GRM5: variants seen among roughly 807,000 people sequenced by gnomAD.
GRM5 encodes glutamate metabotropic receptor 5, also known as metabotropic glutamate receptor 5.
GRM5 carries 19 observed loss-of-function variants against 83.1 expected under a neutral mutation model. The ratio of observed to expected loss-of-function variants is 0.23; its 90% CI spans 0.16 to 0.34. The LOEUF (loss-of-function observed/expected upper bound fraction) is 0.34, where lower values mean the gene tolerates loss of function less well. Among genes scored for constraint, GRM5 ranks in the 10% least tolerant of loss-of-function variants. The probability of loss-of-function intolerance (pLI) is 1.00; values close to 1 mark genes in which losing one functional copy is unlikely to be tolerated. For synonymous variants in GRM5, 675 were observed against 633.6 expected (o/e 1.07, Z -0.98); for missense variants, 1,160 against 1,588.3 (o/e 0.73, Z 4.58).
At chr11:88,561,121 T>C (rs185317993) in intron 8 of GRM5, among the ~76,000 whole-genome samples, 1 of 152,238 alleles carries the variant, frequency 6.6e-6, no homozygotes, top group African/African-American at 2.4e-5. Context: ...GAAGGAAATA[T>C]AAGCCATTGG....
chr11:88,886,851 G>A (rs1368369923), intron 2 of GRM5, among the ~76,000 whole-genome samples: 1 of 152,084 alleles, frequency 6.6e-6, no homozygotes, highest in African/African-American at 2.4e-5. Flanking sequence ...GCAAGATCAG[G>A]GAATGTCATA....
At chr11:88,570,571 A>ATATATATATATATATTTTTT (rs1405339448) in intron 7 of GRM5, among the ~76,000 whole-genome samples, 7 of 46,376 alleles carry the variant, frequency 1.5e-4, no homozygotes, top group Non-Finnish European at 2.1e-4. Context: ...ATATATATAT[A>ATATATATATATATATTTTTT]TTTTTTTTTT....
chr11:88,826,238 T>C (rs1943892838), intron 3 of GRM5, among the ~76,000 whole-genome samples: 1 of 152,138 alleles, frequency 6.6e-6, no homozygotes, highest in Non-Finnish European at 1.5e-5. Flanking sequence ...TACTGTCATC[T>C]AATACAAGAA....
At chr11:88,783,885 T>A (rs889994175) in intron 3 of GRM5, among the ~76,000 whole-genome samples, 2 of 152,044 alleles carry the variant, frequency 1.3e-5, no homozygotes, top group Non-Finnish European at 2.9e-5. Flanking sequence ...CACTGGCACA[T>A]AGGAAACATT....
At chr11:88,817,001 A>G (rs1943704297) in intron 3 of GRM5, among the ~76,000 whole-genome samples, 1 of 152,182 alleles carries the variant, frequency 6.6e-6, no homozygotes, top group Non-Finnish European at 1.5e-5. Flanking sequence ...TTGAAAAATC[A>G]ATGTGTACCT....
chr11:88,745,863 C>G (rs1276572554), intron 3 of GRM5, among the ~76,000 whole-genome samples: 1 of 152,170 alleles, frequency 6.6e-6, no homozygotes, highest in African/African-American at 2.4e-5. Flanking sequence ...ATTCCTGAGG[C>G]ATTCAAGAAG....
Position 88,770,995 on chromosome 11 carries a change from T to C in GRM5, c.911+78911A>G, listed in dbSNP as rs577157524. On this transcript the variant is annotated intron_variant, in intron 3 of 9. Transcript: ENST00000305447. ...ATTTTTTAGTCACTTAAATCAGACA[T>C]GTATCCCTTACTACATGGCAAACCA... Among the ~76,000 whole-genome samples the C allele has an allele frequency of 8.5e-5, 13 of 152,224 alleles. No individual in the cohort carries two copies. In the East Asian group the frequency reaches 2.3e-3, roughly 27 times the overall value.
intron 2 of GRM5, among the ~76,000 whole-genome samples, chr11:88,913,947 G>A (rs765352675): frequency 2.6e-5 from 4 of 152,058 alleles, no homozygotes; most frequent in Non-Finnish European, 4.4e-5. Flanking sequence ...GCCCTAGTGG[G>A]TATTAATGGT....
At chr11:88,858,052 C>G (rs1280498982) in intron 2 of GRM5, among the ~76,000 whole-genome samples, 9 of 151,912 alleles carry the variant, frequency 5.9e-5, no homozygotes, top group Admixed American at 5.3e-4. Flanking sequence ...GAACAATGGC[C>G]CAATTATTTC....
chr11:88,947,083 T>C (rs1454098395), intron 2 of GRM5, among the ~76,000 whole-genome samples: 1 of 152,096 alleles, frequency 6.6e-6, no homozygotes, highest in African/African-American at 2.4e-5. Context: ...AACAAAGAAC[T>C]AGGAAACATA....
intron 2 of GRM5, among the ~76,000 whole-genome samples, chr11:89,003,225 A>G (rs1591039089): frequency 6.6e-6 from 1 of 152,190 alleles, no homozygotes; most frequent in Admixed American, 6.5e-5. Context: ...ACTGTGGAGG[A>G]AAATATTGCA....
chr11:88,590,540 C>T (rs1432604718), intron 7 of GRM5, 61 bp downstream of exon 7: 7 of 1,403,074 alleles, frequency 5.0e-6, no homozygotes, highest in Middle Eastern at 1.8e-4. Flanking sequence ...TGTGACCCCC[C>T]TCTCCCACGT....
chr11:88,619,241 A>G lies in GRM5; in HGVS notation c.1148-14277T>C, dbSNP rs142278753. Reference sequence around the variant, plus strand: ...TGTCTTAACAGTGCAGAATCAAAGAATGTCTGAGATGCAAGAGATTTCAGA... The same window carrying G: ...TGTCTTAACAGTGCAGAATCAAAGAGTGTCTGAGATGCAAGAGATTTCAGA... On this transcript the variant is annotated intron_variant, in intron 4 of 9. Transcript: ENST00000305447. 2.0e-5 allele frequency among the ~76,000 whole-genome samples: 3 copies of G among 152,378 alleles called. No homozygotes were observed. In the East Asian group the frequency reaches 5.8e-4, roughly 29 times the overall value.
At chr11:89,017,332 T>C (rs1480956115) in intron 2 of GRM5, among the ~76,000 whole-genome samples, 1 of 152,182 alleles carries the variant, frequency 6.6e-6, no homozygotes, top group African/African-American at 2.4e-5. Context: ...ATAAACTTTA[T>C]TGAGAATGTC....
intron 3 of GRM5, among the ~76,000 whole-genome samples, chr11:88,711,967 A>C (rs1941291266): frequency 6.6e-6 from 1 of 152,058 alleles, no homozygotes. Context: ...GGCAAGCATT[A>C]TGTCTCGTTC....
At chr11:88,744,435 C>T (rs1286352595) in intron 3 of GRM5, among the ~76,000 whole-genome samples, 1 of 152,082 alleles carries the variant, frequency 6.6e-6, no homozygotes, top group Non-Finnish European at 1.5e-5. Flanking sequence ...ATCTTAAAAC[C>T]TCGCCCCTTT....
intron 3 of GRM5, among the ~76,000 whole-genome samples, chr11:88,800,107 TAAAC>T (rs1372260250): frequency 6.6e-6 from 1 of 152,058 alleles, no homozygotes; most frequent in East Asian, 1.9e-4. Flanking sequence ...AATAAATAAA[TAAAC>T]AAACAAAACC....
At chr11:88,521,969 T>C (rs1941703897) in intron 9 of GRM5, among the ~76,000 whole-genome samples, 1 of 152,214 alleles carries the variant, frequency 6.6e-6, no homozygotes, top group African/African-American at 2.4e-5. Flanking sequence ...ATAATCATCC[T>C]AGGCATGAAT....
intron 7 of GRM5, among the ~76,000 whole-genome samples, chr11:88,570,571 A>ATATATT (rs1405339448): frequency 4.3e-5 from 2 of 46,378 alleles, no homozygotes; most frequent in African/African-American, 2.7e-4. Flanking sequence ...ATATATATAT[A>ATATATT]TTTTTTTTTT....
Sources: gnomAD v4.1 joint callset for allele counts (sites outside exome capture counted in the v4.1 genomes callset) on GRCh38, gnomAD v4.1.1 for gene constraint, MANE v1.5 for transcripts, NCBI Gene and HGNC (gene_info 2026-07-23, HGNC 2026-07-21) for gene names.